Variants in SLC16A14 observed in about 807,000 individuals in gnomAD.
The protein encoded by SLC16A14 is solute carrier family 16 member 14.
SLC16A14 carries 14 observed loss-of-function variants against 35.8 expected under a neutral mutation model. That is an observed-to-expected ratio of 0.39 (90% CI 0.26 to 0.61). The LOEUF is 0.61. SLC16A14 is among the 20% of genes least tolerant of loss of function. SLC16A14 has a pLI of 0.51. For synonymous variants in SLC16A14, 248 were observed against 258.9 expected, an observed-to-expected ratio of 0.96 and a Z score of 0.40; for missense variants, 533 against 655.0, an observed-to-expected ratio of 0.81 and a Z score of 2.03.
chr2:230,049,646 G>C (rs960230989), intron 3 of SLC16A14, 115 bp downstream of exon 3: 1 of 1,104,150 alleles, frequency 9.1e-7, no homozygotes, highest in Non-Finnish European at 1.3e-6. Context: ...GTGAAGTGGG[G>C]GGGAGGAAAC....
At chr2:230,054,086 T>A (rs4999170) in intron 2 of SLC16A14, among the ~76,000 whole-genome samples, 35,089 of 151,092 alleles carry the variant, frequency 0.23, 4,456 homozygotes, top group East Asian at 0.48. Context: ...CAGCCTGAGG[T>A]GGGGGGGGAA....
At chr2:230,054,646 A>G (rs1185862951) in intron 2 of SLC16A14, among the ~76,000 whole-genome samples, 1 of 152,084 alleles carries the variant, frequency 6.6e-6, no homozygotes, top group East Asian at 1.9e-4. Flanking sequence ...TCTTCTGGGC[A>G]CCTCCCTACC....
intron 4 of SLC16A14, among the ~76,000 whole-genome samples, chr2:230,045,027 T>C (rs987318462): frequency 6.6e-6 from 1 of 152,104 alleles, no homozygotes; most frequent in Non-Finnish European, 1.5e-5. Context: ...TACCTAACAG[T>C]ACAGATTCTT....
intron 2 of SLC16A14, among the ~76,000 whole-genome samples, chr2:230,054,896 G>GA (rs200730244): frequency 2.5e-3 from 234 of 92,906 alleles, no homozygotes; most frequent in Non-Finnish European, 3.0e-3. Flanking sequence ...CTCCATCTCA[G>GA]AAAAAAAAAA....
At chr2:230,041,307 A>C (rs2077558383) in intron 4 of SLC16A14, among the ~76,000 whole-genome samples, 1 of 152,208 alleles carries the variant, frequency 6.6e-6, no homozygotes, top group South Asian at 2.1e-4. Context: ...ACATCTAGGA[A>C]AGTATGTACT....
In SLC16A14 at chr2:230,059,166, C is replaced by T. The variant is rs777114193; in HGVS notation, c.187G>A (p.Glu63Lys). Residue 63 changes from glutamate (E) to lysine (K), a missense_variant, in exon 2 of 5, where the codon GAA becomes AAA. Physicochemically the swap from Glu to Lys is moderately conservative, Grantham distance 56 (BLOSUM62 1). Coordinates refer to ENST00000295190, the MANE Select transcript of SLC16A14 (RefSeq NM_152527.5). ...AGGCCGCGGCTCTGGTGGAATTCTT[C>T]CAGCCATTCCACGTTGAGGACACCC... ...ALGVLNVEWL[E>K]EFHQSRGLTA... 3.1e-6 allele frequency: 5 copies of T among 1,614,152 alleles called. No homozygotes were observed. Among genetic ancestry groups the T allele is most frequent in the Admixed American group, 1.7e-5 (1 of 60,010 alleles).
rs1577400340 is a variant in SLC16A14, at chr2:230,061,045, C to T, written c.-14-1679G>A. Among the ~76,000 whole-genome samples the T allele has an allele frequency of 2.0e-5, 3 of 152,150 alleles. 1 individual carries two copies. The highest frequency in any genetic ancestry group is 7.2e-5 in the African/African-American group (3 of 41,440). On this transcript the variant is annotated intron_variant, in intron 1 of 4. Coordinates refer to ENST00000295190, the MANE Select transcript of SLC16A14 (RefSeq NM_152527.5). Reference sequence around the variant, plus strand: ...AGTGGAAATGATTGCTGGGCAGTTCCAAAGGTCAAGTTGAGCCCTGCAGGG... The same window carrying T: ...AGTGGAAATGATTGCTGGGCAGTTCTAAAGGTCAAGTTGAGCCCTGCAGGG...
rs192163085 is a variant in SLC16A14, at chr2:230,044,939, G to A, written c.1381+806C>T. 5.3e-5 allele frequency among the ~76,000 whole-genome samples: 8 copies of A among 152,204 alleles called. No individual in the cohort carries two copies. The East Asian group carries it at 9.7e-4, about 18-fold the overall frequency. ...CAACTTATTATCGCAACAATAGGAA[G>A]CGAATGTAGGGCTGGATCAAGTCCA... On this transcript the variant is annotated intron_variant, in intron 4 of 4. Transcript: ENST00000295190.
intron 4 of SLC16A14, among the ~76,000 whole-genome samples, chr2:230,040,476 C>A (rs1178594125): frequency 6.6e-6 from 1 of 152,170 alleles, no homozygotes; most frequent in Non-Finnish European, 1.5e-5. Context: ...CCCGCCTCAG[C>A]CTCCCAAAGT....
At chr2:230,066,962 A>G in intron 1 of SLC16A14, 2 of 209,634 alleles carry the variant, frequency 9.5e-6, no homozygotes, top group East Asian at 1.7e-4. Flanking sequence ...TTGTTATTAC[A>G]TTGCATGTGG....
intron 2 of SLC16A14, among the ~76,000 whole-genome samples, chr2:230,053,687 A>G (rs906507651): frequency 1.3e-5 from 2 of 152,162 alleles, no homozygotes; most frequent in Non-Finnish European, 2.9e-5. Context: ...AGGCTGAGGC[A>G]GGAGAATCGC....
intron 4 of SLC16A14, among the ~76,000 whole-genome samples, chr2:230,042,128 T>C (rs2077565639): frequency 6.6e-6 from 1 of 152,212 alleles, no homozygotes; most frequent in Admixed American, 6.5e-5. Context: ...TTTTGGGGTT[T>C]CCATAGCAGC....
intron 1 of SLC16A14, among the ~76,000 whole-genome samples, chr2:230,066,235 T>C (rs11688855): frequency 0.91 from 138,666 of 152,068 alleles, 64,618 homozygotes; most frequent in Non-Finnish European, 1. Flanking sequence ...ACCTGGGAGA[T>C]GGAGGTTGCA....
At chr2:230,047,744 CA>C (rs1317578322) in intron 3 of SLC16A14, among the ~76,000 whole-genome samples, 1 of 152,218 alleles carries the variant, frequency 6.6e-6, no homozygotes, top group East Asian at 1.9e-4. Context: ...ATGTTCTCAT[CA>C]CAAGTATGTG....
chr2:230,043,770 C>A lies in SLC16A14; in HGVS notation c.1381+1975G>T, dbSNP rs920337892. ...CTGTCTCCAGTTCTTGGACAGAAGA[C>A]AGACCTCGTTATCTTCACACAGTAC... is the stretch of plus-strand genomic sequence containing the variant. On this transcript the variant is annotated intron_variant, in intron 4 of 4. Transcript: ENST00000295190. 2.2e-4 allele frequency among the ~76,000 whole-genome samples: 34 copies of A among 152,364 alleles called. 1 individual carries two copies. The highest frequency in any genetic ancestry group is 7.2e-4 in the African/African-American group (30 of 41,580).
At chr2:230,055,801 C>T (rs1335775584) in intron 2 of SLC16A14, among the ~76,000 whole-genome samples, 3 of 152,130 alleles carry the variant, frequency 2.0e-5, no homozygotes, top group Non-Finnish European at 4.4e-5. Context: ...GATGTTACTG[C>T]GTGCATACAC....
chr2:230,039,369 T>C (rs1401142149), intron 4 of SLC16A14, among the ~76,000 whole-genome samples: 1 of 152,184 alleles, frequency 6.6e-6, no homozygotes, highest in East Asian at 1.9e-4. Context: ...TAAAGTGTTC[T>C]ATCATCTTTT....
rs1363615740 is a variant in SLC16A14, at chr2:230,059,266, A to G, written c.87T>C (p.Asp29=). The G allele has an allele frequency of 2.5e-6, 4 of 1,614,108 alleles. No homozygotes were observed. Among genetic ancestry groups the G allele is most frequent in the African/African-American group, 2.7e-5 (2 of 75,070 alleles). Residue 29 remains aspartate (D), a synonymous_variant, in exon 2 of 5, where the codon GAT becomes GAC. Coordinates refer to ENST00000295190, the MANE Select transcript of SLC16A14 (RefSeq NM_152527.5). ...KKTLKPHPNI[D]GGWAWMMVLS... ...GCACCATCATCCAAGCCCATCCGCC[A>G]TCAATGTTTGGGTGGGGCTTCAGTG...
chr2:230,048,730 C>G (rs2077629381), intron 3 of SLC16A14, among the ~76,000 whole-genome samples: 1 of 151,898 alleles, frequency 6.6e-6, no homozygotes, highest in Non-Finnish European at 1.5e-5. Context: ...TCGAGACCAG[C>G]CTGACCAACA....
Sources: allele counts gnomAD v4.1 joint callset (sites outside exome capture counted in the v4.1 genomes callset), GRCh38; gene constraint gnomAD v4.1.1; transcripts MANE v1.5; gene names NCBI Gene and HGNC (gene_info 2026-07-23, HGNC 2026-07-21).